Variants in MGST1 observed in about 807,000 individuals in gnomAD.
MGST1 encodes the protein glutathione S-transferase 12.
A neutral mutation model predicts 8.9 loss-of-function variants in MGST1; 5 were observed. The ratio of observed to expected loss-of-function variants is 0.56; its 90% confidence interval spans 0.29 to 1.19. The LOEUF is 1.19. Ranked by LOEUF, MGST1 falls within the 50% of genes most tolerant of loss-of-function variation. The probability of loss-of-function intolerance (pLI) is 0.08; values close to 1 mark genes in which losing one functional copy is unlikely to be tolerated. For missense variants in MGST1, 182 were observed against 187.4 expected (o/e 0.97, Z 0.17); for synonymous variants, 54 against 67.8 (o/e 0.80, Z 1.00).
chr12:16,485,027 G>A (rs1941390194), intron 4 of MGST1, among the ~76,000 whole-genome samples: 1 of 152,136 alleles, frequency 6.6e-6, no homozygotes, highest in East Asian at 1.9e-4. Context: ...TCTTGCTACA[G>A]TTAACAATAT....
intron 1 of MGST1, among the ~76,000 whole-genome samples, chr12:16,383,846 C>T (rs568830215): frequency 3.3e-5 from 5 of 152,324 alleles, no homozygotes; most frequent in African/African-American, 1.2e-4. Flanking sequence ...TGTGTGTCTG[C>T]ACATGTATAA....
chr12:16,466,573 A>G (rs1439518514), intron 4 of MGST1, among the ~76,000 whole-genome samples: 1 of 152,190 alleles, frequency 6.6e-6, no homozygotes, highest in Non-Finnish European at 1.5e-5. Flanking sequence ...TTTTGGGGTC[A>G]TTAAATATGA....
At chr12:16,496,836 G>C (rs1941473684) in intron 4 of MGST1, among the ~76,000 whole-genome samples, 1 of 152,100 alleles carries the variant, frequency 6.6e-6, no homozygotes, top group Non-Finnish European at 1.5e-5. Context: ...AAATGAGAAT[G>C]CTGAATGCTG....
rs1304757608 is a variant in MGST1 at position 16,544,230 on chromosome 12, A to ACACG, written n.483-45295_483-45294insGCAC. Among the ~76,000 whole-genome samples the ACACG allele has an allele frequency of 9.2e-6, 1 of 108,722 alleles. No homozygotes were observed. The highest frequency in any genetic ancestry group is 3.3e-5 in the African/African-American group (1 of 30,434). 71.3% of individuals were successfully genotyped at this position (108,722 alleles called of 152,430 possible). ...CACCTTAAGTAAGAACTACACACAC[A>ACACG]CACACACACACACACACACACACAC... On this transcript the variant is annotated intron_variant and non_coding_transcript_variant, in intron 4 of 4. Transcript: ENST00000538857. This position sits in a 1 kb window ranked among gnomAD's most constrained non-coding sequence, Gnocchi z 4.8.
intron 4 of MGST1, among the ~76,000 whole-genome samples, chr12:16,512,225 T>C (rs540893395): frequency 2.6e-5 from 4 of 151,384 alleles, no homozygotes; most frequent in East Asian, 2.0e-4. Flanking sequence ...GGGTGAAGGA[T>C]GTGGGTATGG....
intron 2 of MGST1, chr12:16,354,608 C>A (rs1200046325): frequency 8.9e-6 from 3 of 338,286 alleles, no homozygotes; most frequent in Non-Finnish European, 1.6e-5. Flanking sequence ...ACCTTTTTAT[C>A]ATTCTGCTAA....
intron 4 of MGST1, among the ~76,000 whole-genome samples, chr12:16,566,840 C>A (rs1357251980): frequency 6.6e-6 from 1 of 152,064 alleles, no homozygotes; most frequent in Non-Finnish European, 1.5e-5. Flanking sequence ...TAGGCAGATA[C>A]TACACTGAAT....
intron 4 of MGST1, among the ~76,000 whole-genome samples, chr12:16,454,987 A>G (rs1167721555): frequency 6.6e-6 from 1 of 151,696 alleles, no homozygotes. Context: ...AAGAGAGGCT[A>G]TTGAACTAAA....
chr12:16,420,705 G>A, intron 1 of MGST1, among the ~76,000 whole-genome samples: 1 of 152,148 alleles, frequency 6.6e-6, no homozygotes, highest in East Asian at 1.9e-4. Flanking sequence ...ATGGGGAGCT[G>A]TCTATAGGAA....
rs888022918 is a variant in MGST1 at position 16,497,131 on chromosome 12, T to C, written n.483-92397T>C. Among the ~76,000 whole-genome samples, 3 of 152,164 alleles carry C rather than the reference T, an allele frequency of 2.0e-5. No individual in the cohort carries two copies. The highest frequency in any genetic ancestry group is 7.2e-5 in the African/African-American group (3 of 41,460). On this transcript the variant is annotated intron_variant and non_coding_transcript_variant, in intron 4 of 4. Coordinates refer to the MGST1 transcript ENST00000538857. This position sits in a 1 kb window ranked among gnomAD's most constrained non-coding sequence, Gnocchi z 4.4. ...CCAGAAGGGAAAAGATGAGAACCAC[T>C]GAATCTGCATCCTTTGCTGTCGGAA...
rs186486920 is a variant in MGST1, at chr12:16,416,043, A to T, written n.779-21345A>T. Reference sequence around the variant, plus strand: ...TCCTTTTCATGTGCATTTGTATATAATCAAATAGTTGCCTTTACTGGATAA... The same window carrying T: ...TCCTTTTCATGTGCATTTGTATATATTCAAATAGTTGCCTTTACTGGATAA... On this transcript the variant is annotated intron_variant and non_coding_transcript_variant, in intron 1 of 1. Coordinates refer to the MGST1 transcript ENST00000359720. Among the ~76,000 whole-genome samples the T allele has an allele frequency of 5.3e-5, 8 of 152,326 alleles. No individual in the cohort carries two copies. The East Asian group carries it at 1.5e-3, about 29-fold the overall frequency.
intron 1 of MGST1, among the ~76,000 whole-genome samples, chr12:16,398,177 C>T (rs1940622221): frequency 6.6e-6 from 1 of 151,230 alleles, no homozygotes; most frequent in Admixed American, 6.6e-5. Flanking sequence ...GGAGAAAAAA[C>T]AAACAAACAT....
intron 2 of MGST1, among the ~76,000 whole-genome samples, chr12:16,356,611 T>C (rs1939726660): frequency 6.6e-6 from 1 of 152,216 alleles, no homozygotes; most frequent in Admixed American, 6.5e-5. Flanking sequence ...TAGTGGCACA[T>C]GCTTAAATAT....
intron 1 of MGST1, among the ~76,000 whole-genome samples, chr12:16,388,692 T>C (rs1338063878): frequency 6.6e-6 from 1 of 152,226 alleles, no homozygotes; most frequent in African/African-American, 2.4e-5. Context: ...ATTTATTTTG[T>C]GACACACTGG....
At chr12:16,460,923 A>G (rs1248321639) in intron 4 of MGST1, among the ~76,000 whole-genome samples, 1 of 152,112 alleles carries the variant, frequency 6.6e-6, no homozygotes, top group Admixed American at 6.6e-5. Flanking sequence ...CTTTCTGGGT[A>G]TCTCTTAAAT....
At chr12:16,490,225 T>C (rs1196247506) in intron 4 of MGST1, among the ~76,000 whole-genome samples, 1 of 152,182 alleles carries the variant, frequency 6.6e-6, no homozygotes, top group Non-Finnish European at 1.5e-5. Context: ...ATGATGCCCC[T>C]GCACTCCAGC....
Position 16,513,654 on chromosome 12 carries a change from T to A in MGST1, n.483-75874T>A. 4.0e-6 allele frequency: 2 copies of A among 503,558 alleles called. No homozygotes were observed. Among genetic ancestry groups the A allele is most frequent in the South Asian group, 3.0e-5 (2 of 65,644 alleles). The allele number at this position is 503,558 out of a possible 1,614,324, so 31.2% of individuals were successfully genotyped here. A position where few individuals can be genotyped will look rare whatever the true frequency, so the allele number is the denominator to read the frequency against. The stretch of plus-strand genomic sequence containing the variant: ...CAGAGGCCCAGATTGCAGCCAAAAA[T>A]TTGGACGAGGACTACCTCTCCATTG... On this transcript the variant is annotated intron_variant and non_coding_transcript_variant, in intron 4 of 4. Coordinates refer to the MGST1 transcript ENST00000538857. The surrounding 1 kb of genome is among the most constrained non-coding windows in gnomAD (Gnocchi z 4.2).
At chr12:16,569,954 T>C (rs938337515) in intron 4 of MGST1, among the ~76,000 whole-genome samples, 1 of 152,170 alleles carries the variant, frequency 6.6e-6, no homozygotes, top group East Asian at 1.9e-4. Context: ...AAGTTTATAA[T>C]GAAGGAAAGG....
rs1233632280 is a variant in MGST1, at chr12:16,559,318, A to G, written n.483-30210A>G. Among the ~76,000 whole-genome samples the G allele has an allele frequency of 6.6e-6, 1 of 152,234 alleles. No individual in the cohort carries two copies. Reference sequence around the variant, plus strand: ...CCAGTAGTATATAGTTTTCACAGAAATAAAAAATATAACTTTCAATAAGAA... The same window carrying G: ...CCAGTAGTATATAGTTTTCACAGAAGTAAAAAATATAACTTTCAATAAGAA... On this transcript the variant is annotated intron_variant and non_coding_transcript_variant, in intron 4 of 4. Transcript: ENST00000538857. This position sits in a 1 kb window ranked among gnomAD's most constrained non-coding sequence, Gnocchi z 4.1.
Sources: gnomAD v4.1 joint callset for allele counts (sites outside exome capture counted in the v4.1 genomes callset) on GRCh38, gnomAD v4.1.1 for gene constraint, Gnocchi (gnomAD v3.1) non-coding constraint, MANE v1.5 for transcripts, NCBI Gene and HGNC (gene_info 2026-07-23, HGNC 2026-07-21) for gene names.